MYO3B: variants seen among roughly 807,000 people sequenced by gnomAD.
MYO3B encodes myosin-IIIb.
Under a neutral mutation model 174.6 loss-of-function variants are expected in MYO3B, and 156 were observed. The observed-to-expected ratio is 0.89, with a 90% CI of 0.78 to 1.02. The LOEUF (loss-of-function observed/expected upper bound fraction) is 1.02, where lower values mean the gene tolerates loss of function less well. Among genes scored for constraint, MYO3B ranks in the 50% least tolerant of loss-of-function variants. The pLI is 0.00. For missense variants in MYO3B, 1,632 were observed against 1,639.4 expected, an observed-to-expected ratio of 1.00 and a Z score of 0.08; for synonymous variants, 563 against 569.1, an observed-to-expected ratio of 0.99 and a Z score of 0.15.
intron 32 of MYO3B, among the ~76,000 whole-genome samples, chr2:170,594,226 C>T (rs1175721173): frequency 6.6e-6 from 1 of 152,206 alleles, no homozygotes; most frequent in South Asian, 2.1e-4. Flanking sequence ...TACCTCTTGA[C>T]CTCCAAATCC....
At chr2:170,563,149 C>T (rs1020647345) in intron 32 of MYO3B, among the ~76,000 whole-genome samples, 1 of 150,160 alleles carries the variant, frequency 6.7e-6, no homozygotes, top group Non-Finnish European at 1.5e-5. Context: ...CACACACATA[C>T]ACACACACAC....
chr2:170,613,112 C>T (rs1341433821), intron 32 of MYO3B, among the ~76,000 whole-genome samples: 1 of 152,160 alleles, frequency 6.6e-6, no homozygotes, highest in Non-Finnish European at 1.5e-5. Flanking sequence ...CAGGAACTTC[C>T]CAGCTACCCT....
chr2:170,640,027 C>A (rs1038097125), intron 32 of MYO3B, among the ~76,000 whole-genome samples: 6 of 152,154 alleles, frequency 3.9e-5, no homozygotes, highest in Admixed American at 1.3e-4. Flanking sequence ...TGAGCTTATG[C>A]CACCTTTTCA....
intron 7 of MYO3B, among the ~76,000 whole-genome samples, chr2:170,292,079 G>T (rs1369704054): frequency 6.6e-6 from 1 of 151,932 alleles, no homozygotes; most frequent in Non-Finnish European, 1.5e-5. Flanking sequence ...TTGGTCTTTT[G>T]AGATAATTTT....
At chr2:170,255,532 C>G (rs1249069778) in intron 7 of MYO3B, among the ~76,000 whole-genome samples, 1 of 152,104 alleles carries the variant, frequency 6.6e-6, no homozygotes, top group Non-Finnish European at 1.5e-5. Flanking sequence ...AGGAAATTAG[C>G]TACAACCAAG....
At chr2:170,255,583 C>T (rs1007314878) in intron 7 of MYO3B, among the ~76,000 whole-genome samples, 3 of 151,964 alleles carry the variant, frequency 2.0e-5, no homozygotes, top group Non-Finnish European at 2.9e-5. Flanking sequence ...GCACCAGAAA[C>T]GAAGCCAATT....
chr2:170,509,023 A>C (rs887823358), intron 28 of MYO3B, among the ~76,000 whole-genome samples: 1 of 148,972 alleles, frequency 6.7e-6, no homozygotes, highest in Non-Finnish European at 1.5e-5. Flanking sequence ...TGGGGGGGAA[A>C]AAAGTCTGTG....
At chr2:170,443,718 TTA>T (rs1472083982) in intron 22 of MYO3B, among the ~76,000 whole-genome samples, 13 of 151,688 alleles carry the variant, frequency 8.6e-5, no homozygotes, top group Non-Finnish European at 1.9e-4. Context: ...TTTAATAATT[TTA>T]TGTTCTTTTT....
intron 7 of MYO3B, 138 bp downstream of exon 7, chr2:170,236,274 C>G (rs1574631481): frequency 1.9e-5 from 19 of 999,252 alleles, no homozygotes; most frequent in Admixed American, 1.3e-4. Flanking sequence ...TTTGAAAAAG[C>G]AAGGGGGGCT....
At position 170,599,446 on chromosome 2, in the gene MYO3B, T is replaced by C. The variant is rs1314127203; in HGVS notation, c.3734-52182T>C. 2.0e-5 allele frequency among the ~76,000 whole-genome samples: 3 copies of C among 152,222 alleles called. No individual in the cohort carries two copies. The East Asian group carries it at 5.8e-4, about 29-fold the overall frequency. On this transcript the variant is annotated intron_variant, in intron 32 of 34. Transcript: ENST00000408978. ...AGCTGTTACAAGTATTTTCTTTCTA[T>C]TTATCATTTGTTTGTTTTTACCGTT...
At chr2:170,363,023 C>G (rs1227819424) in intron 8 of MYO3B, among the ~76,000 whole-genome samples, 4 of 152,226 alleles carry the variant, frequency 2.6e-5, no homozygotes, top group East Asian at 1.9e-4. Flanking sequence ...GATTTAGAGG[C>G]CTCTTTGTCA....
intron 32 of MYO3B, among the ~76,000 whole-genome samples, chr2:170,611,719 A>T (rs566608898): frequency 1.3e-5 from 2 of 152,332 alleles, no homozygotes; most frequent in South Asian, 4.1e-4. Flanking sequence ...GAAAATAGCA[A>T]CCATGGGTAT....
At chr2:170,280,108 C>T (rs1019195575) in intron 7 of MYO3B, among the ~76,000 whole-genome samples, 1 of 152,106 alleles carries the variant, frequency 6.6e-6, no homozygotes, top group South Asian at 2.1e-4. Flanking sequence ...TTGTTTTCTC[C>T]ACAACCTTGC....
chr2:170,449,250 G>C (rs919801669), intron 23 of MYO3B, among the ~76,000 whole-genome samples: 1 of 152,174 alleles, frequency 6.6e-6, no homozygotes, highest in Non-Finnish European at 1.5e-5. Context: ...AAGAAAGCAT[G>C]CCATTCCAGT....
Position 170,547,341 on chromosome 2 carries a change from AAAAG to A in MYO3B, c.3733+3356_3733+3359del, listed in dbSNP as rs201840200. Among the ~76,000 whole-genome samples the A allele has an allele frequency of 0.023, 3,447 of 151,698 alleles. 511 individuals carry two copies. The East Asian group carries it at 0.43, about 19-fold the overall frequency. ...CAAGACTCTGTCTCAAAAAAAAAAA[AAAAG>A]AAGTGTCCCTAAACTGGCCCATGTG... is the stretch of plus-strand genomic sequence containing the variant. On this transcript the variant is annotated intron_variant, in intron 32 of 34. Transcript: ENST00000408978.
At chr2:170,333,154 C>T (rs547676557) in intron 7 of MYO3B, among the ~76,000 whole-genome samples, 6 of 152,110 alleles carry the variant, frequency 3.9e-5, no homozygotes, top group Non-Finnish European at 5.9e-5. Flanking sequence ...ATCCTGGATA[C>T]GGCTGTAGAG....
intron 7 of MYO3B, among the ~76,000 whole-genome samples, chr2:170,313,546 C>A (rs930573170): frequency 1.3e-5 from 2 of 152,204 alleles, no homozygotes; most frequent in African/African-American, 4.8e-5. Context: ...CTTGAACACT[C>A]AAAATGTTCC....
rs193184792 is a variant in MYO3B, at chr2:170,368,199, G to A, written c.816-1023G>A. 3.1e-3 allele frequency among the ~76,000 whole-genome samples: 476 copies of A among 152,286 alleles called. 6 individuals carry two copies. Among genetic ancestry groups the A allele is most frequent in the Non-Finnish European group, 4.4e-3 (299 of 68,010 alleles). The stretch of plus-strand genomic sequence containing the variant: ...TGTCAGTGAATTTCATTAAAAATAC[G>A]TTGTATGTTAGATGCTGCTGGCATT... On this transcript the variant is annotated intron_variant, in intron 8 of 34. Transcript: ENST00000408978.
chr2:170,521,550 C>G (rs565216206), intron 30 of MYO3B, among the ~76,000 whole-genome samples: 2 of 152,288 alleles, frequency 1.3e-5, no homozygotes, highest in East Asian at 3.9e-4. Flanking sequence ...AGAATCTCTC[C>G]TTATCTTCGG....
Sources: allele counts gnomAD v4.1 joint callset (sites outside exome capture counted in the v4.1 genomes callset), GRCh38; gene constraint gnomAD v4.1.1; transcripts MANE v1.5; gene names NCBI Gene and HGNC (gene_info 2026-07-23, HGNC 2026-07-21).